Variants in FAM149A observed in about 807,000 individuals in gnomAD.
FAM149A encodes family with sequence similarity 149 member A, also known as protein FAM149A.
FAM149A carries 71 observed loss-of-function variants against 78.2 expected under a neutral mutation model. The observed-to-expected ratio is 0.91, with a 90% CI of 0.75 to 1.11. The LOEUF (loss-of-function observed/expected upper bound fraction) is 1.11. Among genes scored for constraint, FAM149A ranks in the 50% least tolerant of loss-of-function variants. The probability of loss-of-function intolerance (pLI) is 0.00; values close to 1 mark genes in which losing one functional copy is unlikely to be tolerated. For synonymous variants in FAM149A, 446 were observed against 410.5 expected, an observed-to-expected ratio of 1.09 and a Z score of -1.04; for missense variants, 1,036 against 971.0, an observed-to-expected ratio of 1.07 and a Z score of -0.89.
At chr4:186,169,653 T>C (rs1285220868) in intron 13 of FAM149A, 1 of 985,402 alleles carries the variant, frequency 1.0e-6, no homozygotes, top group Non-Finnish European at 1.2e-6. Context: ...AGTGGATTCA[T>C]GGTGACACCT....
Position 186,149,589 on chromosome 4 carries a change from C to G in FAM149A, c.678-4C>G. The G allele has an allele frequency of 2.3e-6, 3 of 1,289,874 alleles. No individual in the cohort carries two copies. The highest frequency in any genetic ancestry group is 3.0e-6 in the Non-Finnish European group (3 of 988,872). The allele number at this position is 1,289,874 out of a possible 1,614,324, so 79.9% of individuals were successfully genotyped here. Reference sequence around the variant, plus strand: ...AGCAAATCCTTGTCATCCTTTTCCTCCAGCGGAAGCCATACACCCACGGGA... The same window carrying G: ...AGCAAATCCTTGTCATCCTTTTCCTGCAGCGGAAGCCATACACCCACGGGA... On this transcript the variant is annotated splice_polypyrimidine_tract_variant and splice_region_variant and intron_variant, in intron 2 of 13. Coordinates refer to ENST00000389354, the MANE Select transcript of FAM149A (RefSeq NM_001367768.3).
intron 8 of FAM149A, chr4:186,158,409 G>T (rs55723349): frequency 0.16 from 192,749 of 1,182,290 alleles, 16,026 homozygotes; most frequent in Admixed American, 0.23. Flanking sequence ...AGGGGTGGCT[G>T]CTGGCTCAGG....
At chr4:186,159,949 C>A (rs1734393391) in intron 8 of FAM149A, among the ~76,000 whole-genome samples, 1 of 146,166 alleles carries the variant, frequency 6.8e-6, no homozygotes, top group Admixed American at 6.7e-5. Flanking sequence ...CAGACACACA[C>A]CACACCACTC....
chr4:186,127,227 A>G (rs1456238202), intron 1 of FAM149A: 11 of 964,160 alleles, frequency 1.1e-5, no homozygotes, highest in Middle Eastern at 5.3e-4. Flanking sequence ...AGGAGGAACT[A>G]TTTTCACCCT....
chr4:186,140,011 G>GA (rs2099325129), intron 1 of FAM149A, among the ~76,000 whole-genome samples: 1 of 152,124 alleles, frequency 6.6e-6, no homozygotes, highest in African/African-American at 2.4e-5. Flanking sequence ...TTTAAATGCT[G>GA]AAAAAAGGAA....
At chr4:186,139,007 A>G (rs961553562) in intron 1 of FAM149A, among the ~76,000 whole-genome samples, 3 of 152,240 alleles carry the variant, frequency 2.0e-5, no homozygotes, top group Admixed American at 2.0e-4. Context: ...TCTTCTCCCC[A>G]TTTATTTATT....
chr4:186,106,428 A>G (rs148917692), intron 1 of FAM149A, among the ~76,000 whole-genome samples: 213 of 152,288 alleles, frequency 1.4e-3, no homozygotes, highest in African/African-American at 4.7e-3. Context: ...ATCGTTAGCT[A>G]TTCTTGAGTG....
intron 3 of FAM149A, 52 bp downstream of exon 3, chr4:186,149,756 A>C: frequency 8.5e-7 from 1 of 1,178,168 alleles, no homozygotes; most frequent in Non-Finnish European, 1.1e-6. Context: ...TATAGTGAAG[A>C]GTTGCTTCCT....
chr4:186,142,468 C>T (rs761161582), intron 1 of FAM149A, among the ~76,000 whole-genome samples: 4 of 152,278 alleles, frequency 2.6e-5, no homozygotes, highest in South Asian at 4.1e-4. Context: ...GGATTAAAGA[C>T]GGCTGTAGGT....
intron 1 of FAM149A, among the ~76,000 whole-genome samples, chr4:186,120,759 A>T (rs1377663256): frequency 7.8e-6 from 1 of 128,628 alleles, no homozygotes; most frequent in Non-Finnish European, 1.6e-5. Context: ...GCGCCACTGC[A>T]CTCCAGCCTG....
intron 13 of FAM149A, 61 bp from the exon 14 acceptor site, chr4:186,171,853 G>C: frequency 7.1e-7 from 1 of 1,408,804 alleles, no homozygotes; most frequent in South Asian, 1.4e-5. Flanking sequence ...CAAAACAATC[G>C]TTCTGAGTGG....
intron 1 of FAM149A, among the ~76,000 whole-genome samples, chr4:186,111,798 G>A (rs1186632855): frequency 2.2e-4 from 34 of 151,132 alleles, no homozygotes; most frequent in Non-Finnish European, 4.6e-4. Flanking sequence ...GGTTACTGTA[G>A]CCTTGTAGTA....
Position 186,156,680 on chromosome 4 carries a change from CAAAAA to C in FAM149A, c.1420+495_1420+499del, listed in dbSNP as rs200820263. ...AGGCAACAAGAGTAAAACTCCATCT[CAAAAA>C]AAAAGAATGCAGGGCAGGCATGGTG... On this transcript the variant is annotated intron_variant, in intron 7 of 13. Transcript: ENST00000389354. 5.3e-5 allele frequency among the ~76,000 whole-genome samples: 8 copies of C among 150,006 alleles called. No individual in the cohort carries two copies. In the East Asian group the frequency reaches 1.6e-3, roughly 29 times the overall value.
intron 1 of FAM149A, among the ~76,000 whole-genome samples, chr4:186,126,673 A>AC (rs2099318454): frequency 6.6e-6 from 1 of 151,812 alleles, no homozygotes; most frequent in Non-Finnish European, 1.5e-5. Context: ...CGCCATCGTC[A>AC]CCCCATTGAC....
intron 1 of FAM149A, chr4:186,146,721 C>A (rs1733073127): frequency 3.3e-6 from 3 of 905,002 alleles, no homozygotes; most frequent in Middle Eastern, 5.6e-4. Flanking sequence ...ATATCAGCTG[C>A]CCAAAGAAGA....
At position 186,115,738 on chromosome 4, in the gene FAM149A, G is replaced by A. The variant is rs1579776416; in HGVS notation, c.566+10096G>A. Among the ~76,000 whole-genome samples the A allele has an allele frequency of 6.0e-4, 2 of 3,314 alleles. 1 individual carries two copies. The highest frequency in any genetic ancestry group is 6.4e-4 in the African/African-American group (2 of 3,144). The allele number at this position is 3,314 out of a possible 152,430, so 2.2% of individuals were successfully genotyped here. On this transcript the variant is annotated intron_variant, in intron 1 of 13. Transcript: ENST00000389354. ...CGGGGTCAGGGACCCACTTGAGGAG[G>A]TAGTCTGCCCGTTCTCAGATCTCCA...
At chr4:186,136,193 T>G (rs2099322603) in intron 1 of FAM149A, among the ~76,000 whole-genome samples, 1 of 152,264 alleles carries the variant, frequency 6.6e-6, no homozygotes, top group South Asian at 2.1e-4. Context: ...TGTTGCAGTT[T>G]GCCCAATTGA....
intron 1 of FAM149A, among the ~76,000 whole-genome samples, chr4:186,141,091 G>A (rs2099325592): frequency 6.6e-6 from 1 of 152,196 alleles, no homozygotes; most frequent in African/African-American, 2.4e-5. Context: ...TTCTCTAATG[G>A]TAAGTGATGT....
intron 1 of FAM149A, among the ~76,000 whole-genome samples, chr4:186,143,106 T>C (rs902519586): frequency 6.6e-6 from 1 of 151,294 alleles, no homozygotes; most frequent in Admixed American, 6.6e-5. Context: ...TAAAAGCAGC[T>C]AGCATATGTT....
Sources: allele counts gnomAD v4.1 joint callset (sites outside exome capture counted in the v4.1 genomes callset), GRCh38; gene constraint gnomAD v4.1.1; transcripts MANE v1.5; gene names NCBI Gene and HGNC (gene_info 2026-07-23, HGNC 2026-07-21).